FAM133B: variants seen among roughly 807,000 people sequenced by gnomAD.
FAM133B encodes protein FAM133B.
In FAM133B, 25 loss-of-function variants were observed where a neutral mutation model predicts 46.4. The observed-to-expected ratio is 0.54, with a 90% confidence interval of 0.39 to 0.75. FAM133B has a LOEUF of 0.75. FAM133B is among the 30% of genes least tolerant of loss of function. The pLI is 0.00. For missense variants in FAM133B, 205 were observed against 277.6 expected, an observed-to-expected ratio of 0.74 and a Z score of 1.86; for synonymous variants, 75 against 86.0, an observed-to-expected ratio of 0.87 and a Z score of 0.71.
Position 92,578,137 on chromosome 7 carries a change from A to G in FAM133B, c.309+13T>C. On this transcript the variant is annotated intron_variant, in intron 5 of 10. Transcript: ENST00000445716. ...AATTGTAACGTTTAGAAAAATGGAA[A>G]ATTTTTGCTCACCCTACCAGATTTC... is the stretch of plus-strand genomic sequence containing the variant. 2 of 1,604,410 alleles carry G rather than the reference A, an allele frequency of 1.2e-6. No homozygotes were observed. The highest frequency in any genetic ancestry group is 2.2e-5 in the East Asian group (1 of 44,790).
At chr7:92,566,997 G>A (rs969886602) in intron 9 of FAM133B, among the ~76,000 whole-genome samples, 3 of 152,106 alleles carry the variant, frequency 2.0e-5, no homozygotes, top group African/African-American at 7.2e-5. Flanking sequence ...AATTGCTTGA[G>A]GCCAGGAGTT....
chr7:92,580,242 TAAA>T (rs61400606), intron 2 of FAM133B, among the ~76,000 whole-genome samples: 3 of 126,690 alleles, frequency 2.4e-5, no homozygotes, highest in African/African-American at 2.9e-5. Flanking sequence ...TCCAGCTAAT[TAAA>T]AAAAAAAAAA....
intron 7 of FAM133B, among the ~76,000 whole-genome samples, chr7:92,576,233 A>T (rs1794691143): frequency 6.6e-6 from 1 of 152,186 alleles, no homozygotes; most frequent in South Asian, 2.1e-4. Flanking sequence ...TATCCACTTT[A>T]TCCATAAAGC....
chr7:92,571,279 C>A (rs947936087), intron 8 of FAM133B, among the ~76,000 whole-genome samples: 1 of 152,148 alleles, frequency 6.6e-6, no homozygotes, highest in African/African-American at 2.4e-5. Flanking sequence ...CTTTATCAAT[C>A]GTATCAGAGA....
intron 10 of FAM133B, among the ~76,000 whole-genome samples, chr7:92,564,429 G>A (rs1441154845): frequency 6.6e-6 from 1 of 152,192 alleles, no homozygotes; most frequent in East Asian, 1.9e-4. Flanking sequence ...GCATGAAACA[G>A]TGAAAGTATG....
At chr7:92,582,258 A>AATAACATAACATAACATAAC (rs199980853) in intron 1 of FAM133B, among the ~76,000 whole-genome samples, 111 of 147,960 alleles carry the variant, frequency 7.5e-4, no homozygotes, top group African/African-American at 2.1e-3. Context: ...AAATAAAATA[A>AATAACATAACATAACATAAC]ATAACATAAC....
chr7:92,586,390 A>G (rs1403508621), intron 1 of FAM133B, among the ~76,000 whole-genome samples: 1 of 152,240 alleles, frequency 6.6e-6, no homozygotes, highest in African/African-American at 2.4e-5. Flanking sequence ...AAAGCTTTTA[A>G]AACAAGCAAC....
intron 8 of FAM133B, among the ~76,000 whole-genome samples, chr7:92,571,439 A>G (rs754619533): frequency 3.9e-5 from 6 of 152,160 alleles, no homozygotes; most frequent in Non-Finnish European, 8.8e-5. Context: ...CATTGTAGTT[A>G]AACTTTGTTC....
intron 9 of FAM133B, among the ~76,000 whole-genome samples, chr7:92,568,681 A>C (rs1452974467): frequency 6.6e-6 from 1 of 152,048 alleles, no homozygotes; most frequent in African/African-American, 2.4e-5. Context: ...TGTTAATCAC[A>C]TTCAGGCATT....
intron 10 of FAM133B, 23 bp from the exon 11 acceptor site, chr7:92,562,391 G>A (rs1332346249): frequency 6.6e-7 from 1 of 1,520,712 alleles, no homozygotes; most frequent in Non-Finnish European, 8.8e-7. Flanking sequence ...TTCCATGTTA[G>A]ACATTACTAT....
At chr7:92,568,336 TTCTATGTCTTC>T (rs1794426349) in intron 9 of FAM133B, among the ~76,000 whole-genome samples, 1 of 152,070 alleles carries the variant, frequency 6.6e-6, no homozygotes, top group Non-Finnish European at 1.5e-5. Context: ...TTTCTTAAGA[TTCTATGTCTTC>T]TGGTGTTACA....
chr7:92,579,322 T>C lies in FAM133B; in HGVS notation c.196A>G (p.Asn66Asp). The change falls in exon 3 of 11, where the codon AAT becomes GAT. Residue 66 changes from asparagine to aspartate, a missense_variant. Asn to Asp is a conservative substitution (Grantham distance 23, BLOSUM62 1). Transcript: ENST00000445716. ...AACAGGTACTTTTTACAAACCTCAT[T>C]CATTTTTTCTTCAAATTCAGCCAAA... ...KALAEFEEKM[N>D]ENWKKELEKH... 1 of 1,608,946 alleles carries C rather than the reference T, an allele frequency of 6.2e-7. No individual in the cohort carries two copies. The highest frequency in any genetic ancestry group is 8.5e-7 in the Non-Finnish European group (1 of 1,178,504).
chr7:92,581,762 C>T (rs950914091), intron 1 of FAM133B, 159 bp from the exon 2 acceptor site: 5 of 566,028 alleles, frequency 8.8e-6, no homozygotes, highest in African/African-American at 7.6e-5. Flanking sequence ...TTAATTTAAT[C>T]CTCTTTTAAG....
chr7:92,567,770 A>AT (rs562401231), intron 9 of FAM133B, among the ~76,000 whole-genome samples: 3,185 of 147,172 alleles, frequency 0.022, 42 homozygotes, highest in African/African-American at 0.029. Context: ...AGAAACTAAA[A>AT]TTTTTTTTTT....
intron 10 of FAM133B, among the ~76,000 whole-genome samples, chr7:92,564,315 A>C (rs150464365): frequency 4.6e-4 from 70 of 152,260 alleles, no homozygotes; most frequent in Non-Finnish European, 6.6e-4. Flanking sequence ...TCCCCACAGT[A>C]TCTCTCTCAC....
Position 92,561,294 on chromosome 7 carries a change from G to C in FAM133B, c.*988C>G, listed in dbSNP as rs1794147718. 1.4e-5 allele frequency: 2 copies of C among 141,116 alleles called. No individual in the cohort carries two copies. The highest frequency in any genetic ancestry group is 3.0e-5 in the Non-Finnish European group (2 of 65,672). The allele number at this position is 141,116 out of a possible 1,614,324, so 8.7% of individuals were successfully genotyped here. ...CATAGTAATGAACTTAAGACAGCAA[G>C]AGTGAGGAGTTAACAAAAGCTAAAC... On this transcript the variant is annotated 3_prime_UTR_variant, in exon 11 of 11. Coordinates refer to ENST00000445716, the MANE Select transcript of FAM133B (RefSeq NM_152789.4).
At chr7:92,581,724 GA>G (rs1228970006) in intron 1 of FAM133B, 121 bp from the exon 2 acceptor site, 2 of 706,280 alleles carry the variant, frequency 2.8e-6, no homozygotes. Context: ...TATGCAATCT[GA>G]CTAACCAACT....
At chr7:92,579,745 T>C (rs1238543805) in intron 2 of FAM133B, among the ~76,000 whole-genome samples, 1 of 152,192 alleles carries the variant, frequency 6.6e-6, no homozygotes, top group African/African-American at 2.4e-5. Context: ...AAACTGAAGC[T>C]TGGAGAAGGT....
chr7:92,571,391 TTG>T (rs1358525991), intron 8 of FAM133B, among the ~76,000 whole-genome samples: 6 of 152,206 alleles, frequency 3.9e-5, no homozygotes, highest in Non-Finnish European at 8.8e-5. Context: ...CATTAGTTTT[TTG>T]TGTTATACAT....
Sources: gnomAD v4.1 joint callset for allele counts (sites outside exome capture counted in the v4.1 genomes callset) on GRCh38, gnomAD v4.1.1 for gene constraint, MANE v1.5 for transcripts, NCBI Gene and HGNC (gene_info 2026-07-23, HGNC 2026-07-21) for gene names.